The following ITGBL1 variants were observed in gnomAD, a reference collection of about 807,000 sequenced individuals.
The protein encoded by ITGBL1 is integrin beta-like protein 1.
ITGBL1 carries 51 observed loss-of-function variants against 68.5 expected under a neutral mutation model. That is an observed-to-expected ratio of 0.74 (90% CI 0.59 to 0.94). ITGBL1 has a LOEUF of 0.94. Ranked by LOEUF, ITGBL1 falls within the 40% of genes least tolerant of loss-of-function variation. ITGBL1 has a pLI of 0.00. For synonymous variants in ITGBL1, 209 were observed against 227.3 expected, an observed-to-expected ratio of 0.92 and a Z score of 0.72; for missense variants, 649 against 647.4, an observed-to-expected ratio of 1.00 and a Z score of -0.03.
chr13:101,468,533 G>A (rs1187568508), intron 2 of ITGBL1, among the ~76,000 whole-genome samples: 1 of 151,930 alleles, frequency 6.6e-6, no homozygotes, highest in Non-Finnish European at 1.5e-5. Context: ...TCAATAGAAG[G>A]GTTTTCTTCA....
At chr13:101,658,922 A>G (rs2033005850) in intron 7 of ITGBL1, among the ~76,000 whole-genome samples, 1 of 149,500 alleles carries the variant, frequency 6.7e-6, no homozygotes, top group Non-Finnish European at 1.5e-5. Context: ...TATCAAACAA[A>G]CTTTGACACC....
intron 2 of ITGBL1, among the ~76,000 whole-genome samples, chr13:101,481,071 C>T (rs1241296617): frequency 2.5e-5 from 1 of 40,466 alleles, no homozygotes; most frequent in African/African-American, 1.1e-4. Flanking sequence ...CACACACATA[C>T]ATATATATAC....
At chr13:101,537,529 C>T (rs2049600461) in intron 2 of ITGBL1, among the ~76,000 whole-genome samples, 1 of 151,994 alleles carries the variant, frequency 6.6e-6, no homozygotes, top group Non-Finnish European at 1.5e-5. Flanking sequence ...TGAAAGTGTA[C>T]ATTTTAAATG....
intron 2 of ITGBL1, among the ~76,000 whole-genome samples, chr13:101,564,211 T>A (rs1207660769): frequency 6.6e-6 from 1 of 151,916 alleles, no homozygotes; most frequent in Non-Finnish European, 1.5e-5. Flanking sequence ...AGAACAAAGT[T>A]GGAGTTCTCA....
chr13:101,585,705 C>A (rs1323339528), intron 6 of ITGBL1, among the ~76,000 whole-genome samples: 1 of 152,096 alleles, frequency 6.6e-6, no homozygotes, highest in Non-Finnish European at 1.5e-5. Flanking sequence ...GCTGGGATTA[C>A]AGGTGTGAGC....
intron 7 of ITGBL1, among the ~76,000 whole-genome samples, 197 bp downstream of exon 7, chr13:101,598,496 A>G (rs1048395900): frequency 6.6e-6 from 1 of 151,904 alleles, no homozygotes; most frequent in African/African-American, 2.4e-5. Context: ...CAGGTTTGTT[A>G]CATATGTATA....
intron 2 of ITGBL1, among the ~76,000 whole-genome samples, chr13:101,517,878 A>C (rs781185136): frequency 6.6e-6 from 1 of 152,142 alleles, no homozygotes; most frequent in Non-Finnish European, 1.5e-5. Context: ...GCCTTGCTGA[A>C]ATGTGCACCA....
chr13:101,454,355 T>C (rs997202225), intron 2 of ITGBL1, among the ~76,000 whole-genome samples: 1 of 151,546 alleles, frequency 6.6e-6, no homozygotes, highest in Admixed American at 6.6e-5. Flanking sequence ...TTATTGTAAT[T>C]ATGATTTTTT....
At chr13:101,461,137 T>G (rs1013213430) in intron 2 of ITGBL1, among the ~76,000 whole-genome samples, 2 of 152,152 alleles carry the variant, frequency 1.3e-5, no homozygotes, top group African/African-American at 4.8e-5. Flanking sequence ...ATGTAAAGTT[T>G]CCCCAGAATG....
intron 6 of ITGBL1, among the ~76,000 whole-genome samples, chr13:101,596,093 G>A (rs907672793): frequency 1.3e-5 from 2 of 151,872 alleles, no homozygotes; most frequent in African/African-American, 4.8e-5. Flanking sequence ...ATACCCAGTG[G>A]AATAGTATTC....
intron 7 of ITGBL1, among the ~76,000 whole-genome samples, chr13:101,684,940 T>C (rs1325449830): frequency 6.6e-6 from 1 of 152,016 alleles, no homozygotes; most frequent in East Asian, 1.9e-4. Flanking sequence ...GGTTGAATAA[T>C]ATAAAATTGA....
In ITGBL1 at chr13:101,502,615, G is replaced by C. The variant is rs571352191; in HGVS notation, c.316+48515G>C. Among the ~76,000 whole-genome samples the C allele has an allele frequency of 6.6e-5, 10 of 152,188 alleles. No homozygotes were observed. The South Asian group carries it at 2.1e-3, about 32-fold the overall frequency. The stretch of plus-strand genomic sequence containing the variant: ...CTGTTTACTTGGGGACAGGTAGGCT[G>C]GTTCATACATTTACTAATTAAATTA... On this transcript the variant is annotated intron_variant, in intron 2 of 10. Transcript: ENST00000376180.
chr13:101,606,080 A>G (rs994851292), intron 7 of ITGBL1, among the ~76,000 whole-genome samples: 5 of 122,946 alleles, frequency 4.1e-5, no homozygotes, highest in African/African-American at 1.8e-4. Flanking sequence ...ATATATATAT[A>G]TGCTATATAT....
chr13:101,598,337 A>G, intron 7 of ITGBL1, 38 bp downstream of exon 7: 2 of 1,468,562 alleles, frequency 1.4e-6, no homozygotes, highest in Non-Finnish European at 1.8e-6. Flanking sequence ...CGGCCTCTCC[A>G]TCACAATTCA....
At chr13:101,692,878 G>T in intron 8 of ITGBL1, 177 bp downstream of exon 8, 1 of 588,522 alleles carries the variant, frequency 1.7e-6, no homozygotes. Context: ...TTATTTCCCT[G>T]AACTCTTTAT....
rs116998933 is a variant in ITGBL1, at chr13:101,508,345, G to C, written c.316+54245G>C. On this transcript the variant is annotated intron_variant, in intron 2 of 10. Coordinates refer to ENST00000376180, the MANE Select transcript of ITGBL1 (RefSeq NM_004791.3). Reference sequence around the variant, plus strand: ...TTCCAGTTTACTATAAACACTGCATGATGAGCATCTTTACATAAAAATATT... The same window carrying C: ...TTCCAGTTTACTATAAACACTGCATCATGAGCATCTTTACATAAAAATATT... 2.0e-4 allele frequency among the ~76,000 whole-genome samples: 30 copies of C among 152,280 alleles called. No individual in the cohort carries two copies. The East Asian group carries it at 4.6e-3, about 24-fold the overall frequency.
intron 7 of ITGBL1, among the ~76,000 whole-genome samples, chr13:101,606,236 T>C (rs2030851577): frequency 6.7e-6 from 1 of 148,890 alleles, no homozygotes; most frequent in African/African-American, 2.5e-5. Flanking sequence ...GAAATTAAGT[T>C]AAATTTCTAA....
intron 2 of ITGBL1, among the ~76,000 whole-genome samples, chr13:101,530,564 CAAG>C (rs1394951954): frequency 6.6e-6 from 1 of 152,090 alleles, no homozygotes; most frequent in East Asian, 1.9e-4. Flanking sequence ...GACTGAAAGT[CAAG>C]TTTGTTTATG....
At chr13:101,572,852 T>C (rs1409102756) in intron 3 of ITGBL1, among the ~76,000 whole-genome samples, 3 of 152,080 alleles carry the variant, frequency 2.0e-5, no homozygotes, top group Non-Finnish European at 4.4e-5. Context: ...TACACAGTCC[T>C]AACCAAGTGA....
Sources: allele counts gnomAD v4.1 joint callset (sites outside exome capture counted in the v4.1 genomes callset), GRCh38; gene constraint gnomAD v4.1.1; transcripts MANE v1.5; gene names NCBI Gene and HGNC (gene_info 2026-07-23, HGNC 2026-07-21).